Variants in PGGT1B observed in about 807,000 individuals in gnomAD.
The protein encoded by PGGT1B is geranylgeranyl transferase type-1 subunit beta.
A neutral mutation model predicts 46.1 loss-of-function variants in PGGT1B; 30 were observed. The ratio of observed to expected loss-of-function variants is 0.65; its 90% CI spans 0.49 to 0.88. The LOEUF is 0.88. PGGT1B is among the 40% of genes least tolerant of loss of function. The pLI, the probability that PGGT1B is intolerant of heterozygous loss-of-function variation, is 0.00. For missense variants in PGGT1B, 376 were observed against 455.9 expected (o/e 0.82, Z 1.60); for synonymous variants, 170 against 160.0 (o/e 1.06, Z -0.47).
chr5:115,216,794 T>C (rs1233029098), intron 8 of PGGT1B, 71 bp downstream of exon 8: 2 of 800,844 alleles, frequency 2.5e-6, no homozygotes, highest in Non-Finnish European at 4.3e-6. Flanking sequence ...TCATATGCCT[T>C]TTCTGATAAA....
Position 115,257,780 on chromosome 5 carries a change from A to T in PGGT1B, c.141-4525T>A, listed in dbSNP as rs189764442. On this transcript the variant is annotated intron_variant, in intron 1 of 8. Transcript: ENST00000419445. ...AGATACCAGATGGGCCTATGACTACATCATATTGCATCTAAAATTATAAAT... is the reference window on the plus strand; with the variant it reads ...AGATACCAGATGGGCCTATGACTACTTCATATTGCATCTAAAATTATAAAT... Among the ~76,000 whole-genome samples the T allele has an allele frequency of 2.8e-3, 425 of 152,320 alleles. 11 individuals carry two copies. Among genetic ancestry groups the T allele is most frequent in the Non-Finnish European group, 5.1e-4 (35 of 68,036 alleles).
At chr5:115,233,704 TGA>T (rs1410488843) in intron 5 of PGGT1B, among the ~76,000 whole-genome samples, 1 of 151,644 alleles carries the variant, frequency 6.6e-6, no homozygotes, top group Admixed American at 6.6e-5. Context: ...TGAAAAATCA[TGA>T]GAGGAGGGCA....
chr5:115,209,985 A>C lies in PGGT1B; in HGVS notation c.*2417T>G, dbSNP rs1361245217. 1 of 152,136 alleles carries C rather than the reference A, an allele frequency of 6.6e-6. No homozygotes were observed. Among genetic ancestry groups the C allele is most frequent in the Admixed American group, 6.6e-5 (1 of 15,252 alleles). The allele number at this position is 152,136 out of a possible 1,614,324, so 9.4% of individuals were successfully genotyped here. A position where few individuals can be genotyped will look rare whatever the true frequency, so the allele number is the denominator to read the frequency against. ...CTGTCTCTCAAAAATGATCAGGTCC[A>C]ACAGTTTTCAAATTATATACCACTG... On this transcript the variant is annotated 3_prime_UTR_variant, in exon 9 of 9. Transcript: ENST00000419445.
At chr5:115,216,506 T>G (rs1450286575) in intron 8 of PGGT1B, among the ~76,000 whole-genome samples, 1 of 152,226 alleles carries the variant, frequency 6.6e-6, no homozygotes, top group African/African-American at 2.4e-5. Flanking sequence ...TTATTATACT[T>G]AGTTCAAGTC....
At chr5:115,213,901 C>T (rs1756325173) in intron 8 of PGGT1B, among the ~76,000 whole-genome samples, 1 of 152,210 alleles carries the variant, frequency 6.6e-6, no homozygotes, top group South Asian at 2.1e-4. Context: ...GCTGTGCTTA[C>T]TCAATGCCAT....
rs186425859 is a variant in PGGT1B, at chr5:115,224,421, G to A, written c.659-2413C>T. 3.0e-4 allele frequency among the ~76,000 whole-genome samples: 45 copies of A among 152,278 alleles called. 2 individuals carry two copies. The East Asian group carries it at 7.3e-3, about 25-fold the overall frequency. ...TCCAAACTACTGGATTTTGAACATAGTAACTCCAGAAGTAAGTTTGGACTC... is the reference window on the plus strand; with the variant it reads ...TCCAAACTACTGGATTTTGAACATAATAACTCCAGAAGTAAGTTTGGACTC... On this transcript the variant is annotated intron_variant, in intron 6 of 8. Transcript: ENST00000419445.
At chr5:115,231,173 G>C (rs1461534153) in intron 5 of PGGT1B, 152 bp from the exon 6 acceptor site, 2 of 504,840 alleles carry the variant, frequency 4.0e-6, no homozygotes, top group Non-Finnish European at 7.1e-6. Flanking sequence ...CCATGGAGAA[G>C]TAGAATTAGG....
At chr5:115,230,327 G>T (rs780392879) in intron 6 of PGGT1B, among the ~76,000 whole-genome samples, 15 of 152,118 alleles carry the variant, frequency 9.9e-5, no homozygotes, top group Non-Finnish European at 1.9e-4. Flanking sequence ...AATTCACTCA[G>T]AGAGTCTCCA....
chr5:115,238,633 G>T (rs1421865655), intron 3 of PGGT1B, among the ~76,000 whole-genome samples: 2 of 151,938 alleles, frequency 1.3e-5, no homozygotes, highest in Admixed American at 1.3e-4. Flanking sequence ...CACCATATAA[G>T]AAACTAAAAA....
intron 7 of PGGT1B, among the ~76,000 whole-genome samples, chr5:115,220,935 G>T (rs974803952): frequency 1.3e-5 from 2 of 151,940 alleles, no homozygotes; most frequent in African/African-American, 4.8e-5. Flanking sequence ...GTTGATAATT[G>T]TTGAGACTGG....
At chr5:115,228,285 C>G (rs1027587617) in intron 6 of PGGT1B, among the ~76,000 whole-genome samples, 1 of 152,184 alleles carries the variant, frequency 6.6e-6, no homozygotes, top group Non-Finnish European at 1.5e-5. Context: ...GTTTGTTCAA[C>G]TATGTGCCAA....
At chr5:115,227,366 A>T (rs1278261436) in intron 6 of PGGT1B, among the ~76,000 whole-genome samples, 1 of 152,186 alleles carries the variant, frequency 6.6e-6, no homozygotes, top group Non-Finnish European at 1.5e-5. Context: ...GTATGGTGGA[A>T]GTCAAGTAAC....
chr5:115,260,076 T>C lies in PGGT1B; in HGVS notation c.140+2636A>G, dbSNP rs939963332. 7.2e-5 allele frequency among the ~76,000 whole-genome samples: 11 copies of C among 152,296 alleles called. 1 individual carries two copies. The highest frequency in any genetic ancestry group is 2.0e-4 in the Admixed American group (3 of 15,304). ...TTTAATATTCACTTGGATTATAAAC[T>C]AGTAACTATCATTTTAAGAAGTCAA... On this transcript the variant is annotated intron_variant, in intron 1 of 8. Coordinates refer to ENST00000419445, the MANE Select transcript of PGGT1B (RefSeq NM_005023.4).
chr5:115,207,933 C>CT lies in PGGT1B; in HGVS notation c.*4468dup, dbSNP rs1162078582. On this transcript the variant is annotated 3_prime_UTR_variant, in exon 9 of 9. Coordinates refer to ENST00000419445, the MANE Select transcript of PGGT1B (RefSeq NM_005023.4). Reference sequence around the variant, plus strand: ...TTAATAGATTATTCATCAATTTCTACTTAGTATAGTTAACATAAGTGAGTG... The same window carrying CT: ...TTAATAGATTATTCATCAATTTCTACTTTAGTATAGTTAACATAAGTGAGTG... 3 of 151,996 alleles carry CT rather than the reference C, an allele frequency of 2.0e-5. No individual in the cohort carries two copies. The highest frequency in any genetic ancestry group is 2.9e-5 in the Non-Finnish European group (2 of 67,954). 9.4% of individuals were successfully genotyped at this position (151,996 alleles called of 1,614,324 possible).
At chr5:115,213,034 G>A (rs1050141289) in intron 8 of PGGT1B, among the ~76,000 whole-genome samples, 4 of 152,096 alleles carry the variant, frequency 2.6e-5, no homozygotes, top group Admixed American at 6.5e-5. Flanking sequence ...CTCGCTCCAC[G>A]TTTTACCTCT....
chr5:115,219,617 C>T (rs1554070302), intron 7 of PGGT1B, among the ~76,000 whole-genome samples: 1 of 151,754 alleles, frequency 6.6e-6, no homozygotes, highest in Non-Finnish European at 1.5e-5. Context: ...CATCAAAAAA[C>T]TTTTGTGCGT....
chr5:115,262,498 T>C (rs771744665), intron 1 of PGGT1B: 11 of 524,104 alleles, frequency 2.1e-5, no homozygotes, highest in Non-Finnish European at 3.4e-5. Context: ...AGCCGGAAAC[T>C]GGAGATGCCA....
intron 6 of PGGT1B, among the ~76,000 whole-genome samples, chr5:115,227,900 C>A (rs1407077611): frequency 1.3e-5 from 2 of 152,044 alleles, no homozygotes; most frequent in Non-Finnish European, 2.9e-5. Context: ...CATTATTTTC[C>A]TCTTAGTCTG....
In PGGT1B at chr5:115,207,176, C is replaced by CATATATATATAT. The variant is rs1455651127; in HGVS notation, c.*5225_*5226insATATATATATAT. ...TCTAACTAGTTTAGGTTTGCATATA[C>CATATATATATAT]ATACATATATATATATATATATATA... On this transcript the variant is annotated 3_prime_UTR_variant, in exon 9 of 9. Coordinates refer to ENST00000419445, the MANE Select transcript of PGGT1B (RefSeq NM_005023.4). 2.0e-4 allele frequency: 6 copies of CATATATATATAT among 30,104 alleles called. No individual in the cohort carries two copies. The highest frequency in any genetic ancestry group is 3.4e-4 in the Non-Finnish European group (5 of 14,540). 1.9% of individuals were successfully genotyped at this position (30,104 alleles called of 1,614,324 possible).
Sources: allele counts gnomAD v4.1 joint callset (sites outside exome capture counted in the v4.1 genomes callset), GRCh38; gene constraint gnomAD v4.1.1; transcripts MANE v1.5; gene names NCBI Gene and HGNC (gene_info 2026-07-23, HGNC 2026-07-21).